Variants in GREP1 observed in about 807,000 individuals in gnomAD.
GREP1 encodes the protein glycine-rich extracellular protein 1.
Position 2,991,195 on chromosome 16 carries a change from G to A in GREP1, c.322+94G>A. ...AGGGCACCAGGAGCTGGGAGAGCTGGGCTCTGGAGGGAGGGCAGGGCTCAG... is the reference window on the plus strand; with the variant it reads ...AGGGCACCAGGAGCTGGGAGAGCTGAGCTCTGGAGGGAGGGCAGGGCTCAG... On this transcript the variant is annotated intron_variant, in intron 8 of 34. Coordinates refer to ENST00000573315, the Ensembl canonical transcript of GREP1. This position sits in a 1 kb window ranked among gnomAD's most constrained non-coding sequence, Gnocchi z 4.9. The A allele has an allele frequency of 2.5e-6, 1 of 398,764 alleles. No individual in the cohort carries two copies. 24.7% of individuals were successfully genotyped at this position (398,764 alleles called of 1,614,324 possible). A position where few individuals can be genotyped will look rare whatever the true frequency, so the allele number is the denominator to read the frequency against.
At chr16:2,999,781 C>A (rs2072449367) in intron 27 of GREP1, 121 bp from the exon 25 acceptor site, 1 of 398,236 alleles carries the variant, frequency 2.5e-6, no homozygotes, top group African/African-American at 2.1e-5. Context: ...TCTTCTGGTT[C>A]CATTCCCTGT....
intron 10 of GREP1, 120 bp downstream of exon 11, chr16:2,993,083 T>C (rs375269468): frequency 3.3e-5 from 13 of 396,394 alleles, no homozygotes; most frequent in East Asian, 1.1e-4. Flanking sequence ...GGAATAGGAA[T>C]GGGTGGGGAG....
rs979862242 is a variant in GREP1, at chr16:2,992,984, G to A, written c.385+21G>A. 1.7e-4 allele frequency: 68 copies of A among 398,894 alleles called. No homozygotes were observed. Among genetic ancestry groups the A allele is most frequent in the Non-Finnish European group, 2.9e-4 (65 of 226,066 alleles). The allele number at this position is 398,894 out of a possible 1,614,324, so 24.7% of individuals were successfully genotyped here. A position where few individuals can be genotyped will look rare whatever the true frequency, so the allele number is the denominator to read the frequency against. On this transcript the variant is annotated intron_variant, in intron 10 of 34. Coordinates refer to ENST00000573315, the Ensembl canonical transcript of GREP1. The surrounding 1 kb of genome is among the most constrained non-coding windows in gnomAD (Gnocchi z 4.9). Reference sequence around the variant, plus strand: ...GCCAGGTGAGCCACTCCCTGTCCCTGTCTCCCTGCCCATTTCCTATGCATC... The same window carrying A: ...GCCAGGTGAGCCACTCCCTGTCCCTATCTCCCTGCCCATTTCCTATGCATC...
At chr16:2,995,375 T>C (rs2072419234) in intron 14 of GREP1, 59 bp downstream of exon 15, 1 of 398,224 alleles carries the variant, frequency 2.5e-6, no homozygotes, top group African/African-American at 2.1e-5. Flanking sequence ...CTTCCCCCTC[T>C]CACCCCCACC....
intron 25 of GREP1, 127 bp downstream of exon 23, chr16:2,998,650 G>A (rs1567398984): frequency 2.5e-6 from 1 of 398,010 alleles, no homozygotes; most frequent in Non-Finnish European, 4.4e-6. Context: ...CCCCTGCCTG[G>A]ATCCCCAGGT....
chr16:3,000,815 A>G (rs543537611), exon 33 of GREP1: 403 of 399,126 alleles, frequency 1.0e-3, no homozygotes, highest in Non-Finnish European at 1.5e-3. Flanking sequence ...TGCTGAGGCC[A>G]GGAGCCAGCC....
chr16:2,998,593 G>A, intron 25 of GREP1, 70 bp downstream of exon 23: 1 of 398,836 alleles, frequency 2.5e-6, no homozygotes, highest in Non-Finnish European at 4.4e-6. Flanking sequence ...AGACGGAGGG[G>A]CCTCCATCAG....
In GREP1 at chr16:2,989,580, G is replaced by A. The variant is rs1005879951; in HGVS notation, c.130+28G>A. The A allele has an allele frequency of 1.5e-5, 6 of 399,614 alleles. No homozygotes were observed. Among genetic ancestry groups the A allele is most frequent in the Admixed American group, 4.4e-5 (1 of 22,714 alleles). 24.8% of individuals were successfully genotyped at this position (399,614 alleles called of 1,614,324 possible). ...GAGGCCTGGCATAGGGAAGGGAGGC[G>A]TCTGAGGGCAGGGCACGGGGCAGGG... On this transcript the variant is annotated intron_variant, in intron 3 of 34. Transcript: ENST00000573315. The surrounding 1 kb of genome is among the most constrained non-coding windows in gnomAD (Gnocchi z 4.2).
intron 27 of GREP1, among the ~76,000 whole-genome samples, chr16:2,999,479 C>CTT (rs35368761): frequency 0.013 from 949 of 75,474 alleles, 5 homozygotes; most frequent in African/African-American, 0.015. Flanking sequence ...CCCTCTTGCT[C>CTT]TTTTTTTTTT....
At chr16:2,995,863 G>T (rs2072422041) in exon 18 of GREP1, 1 of 398,262 alleles carries the variant, frequency 2.5e-6, no homozygotes, top group African/African-American at 2.1e-5. Context: ...CCAGGATATG[G>T]GAAAAGGCTG....
chr16:2,996,615 G>A, intron 19 of GREP1, 58 bp from the exon 19 acceptor site: 1 of 399,200 alleles, frequency 2.5e-6, no homozygotes, highest in African/African-American at 2.1e-5. Flanking sequence ...CAGAGAGCTG[G>A]GGTCTGGGGA....
In GREP1 at chr16:2,991,389, A is replaced by T; in HGVS notation, c.322+288A>T. The T allele has an allele frequency of 3.0e-6, 1 of 330,532 alleles. No homozygotes were observed. Among genetic ancestry groups the T allele is most frequent in the East Asian group, 4.6e-5 (1 of 21,760 alleles). 20.5% of individuals were successfully genotyped at this position (330,532 alleles called of 1,614,324 possible). On this transcript the variant is annotated intron_variant, in intron 8 of 34. Transcript: ENST00000573315. The surrounding 1 kb of genome is among the most constrained non-coding windows in gnomAD (Gnocchi z 4.9). The stretch of plus-strand genomic sequence containing the variant: ...CAATGTCTCCCCAGGATTGGGGAGC[A>T]GAAGTGGTTTGGGCGCTGGCACTCT...
chr16:2,995,377 A>C (rs2072419252), intron 14 of GREP1, 61 bp downstream of exon 15: 1 of 397,126 alleles, frequency 2.5e-6, no homozygotes, highest in Non-Finnish European at 4.4e-6. Flanking sequence ...TCCCCCTCTC[A>C]CCCCCACCTC....
intron 13 of GREP1, 95 bp from the exon 15 acceptor site, chr16:2,995,189 G>A (rs896972124): frequency 5.0e-6 from 2 of 398,424 alleles, no homozygotes; most frequent in Non-Finnish European, 8.8e-6. Context: ...GGTCCTGAGG[G>A]GGATGGGAGG....
At chr16:2,994,718 T>C in exon 11 of GREP1, 2 of 398,984 alleles carry the variant, frequency 5.0e-6, no homozygotes, top group Non-Finnish European at 8.8e-6. Flanking sequence ...TCAAAATGGC[T>C]ATAGACCAGG....
In GREP1 at chr16:2,997,846, C is replaced by T. The variant is rs907686570; in HGVS notation, c.949+11C>T. ...AACCTCAGAAGCCAGGTAAGCCCTT[C>T]CCACTCCTCACTCTCCCTACCTGCA... On this transcript the variant is annotated intron_variant, in intron 23 of 34. Coordinates refer to ENST00000573315, the Ensembl canonical transcript of GREP1. 2.0e-5 allele frequency: 8 copies of T among 398,538 alleles called. No homozygotes were observed. Among genetic ancestry groups the T allele is most frequent in the Non-Finnish European group, 3.5e-5 (8 of 226,148 alleles). 24.7% of individuals were successfully genotyped at this position (398,538 alleles called of 1,614,324 possible). A position where few individuals can be genotyped will look rare whatever the true frequency, so the allele number is the denominator to read the frequency against.
At position 2,996,710 on chromosome 16, in the gene GREP1, G is replaced by A. The variant is rs2072426839; in HGVS notation, c.745+5G>A. ...GGATGAAGCCTCAGATGCCAGGTGA[G>A]GGGACTGCCTGTGTCTGTGGCCCCA... On this transcript the variant is annotated splice_donor_5th_base_variant and intron_variant, in intron 20 of 34. Coordinates refer to ENST00000573315, the Ensembl canonical transcript of GREP1. 1 of 398,952 alleles carries A rather than the reference G, an allele frequency of 2.5e-6. No homozygotes were observed. The highest frequency in any genetic ancestry group is 4.4e-6 in the Non-Finnish European group (1 of 226,268). 24.7% of individuals were successfully genotyped at this position (398,952 alleles called of 1,614,324 possible).
Position 2,989,828 on chromosome 16 carries a change from G to C in GREP1, c.131-146G>C. The C allele has an allele frequency of 2.5e-6, 1 of 398,006 alleles. No homozygotes were observed. The highest frequency in any genetic ancestry group is 4.4e-6 in the Non-Finnish European group (1 of 226,078). 24.7% of individuals were successfully genotyped at this position (398,006 alleles called of 1,614,324 possible). On this transcript the variant is annotated intron_variant, in intron 3 of 34. Transcript: ENST00000573315. This position sits in a 1 kb window ranked among gnomAD's most constrained non-coding sequence, Gnocchi z 4.2. ...AAGGAGGGAGGGAAGGAGGCTGATA[G>C]CACCCACCTGTGCCCCACAGCCCTC...
chr16:2,998,861 G>C, exon 26 of GREP1: 1 of 399,128 alleles, frequency 2.5e-6, no homozygotes, highest in Non-Finnish European at 4.4e-6. Flanking sequence ...CCTGCAATGC[G>C]AGGGTCGCTC....
Sources: allele counts gnomAD v4.1 joint callset (sites outside exome capture counted in the v4.1 genomes callset), GRCh38; gene constraint gnomAD v4.1.1; non-coding constraint Gnocchi (gnomAD v3.1); transcripts MANE v1.5; gene names NCBI Gene and HGNC (gene_info 2026-07-23, HGNC 2026-07-21).